The following MAPK10 variants were observed in gnomAD, a reference collection of about 807,000 sequenced individuals.
MAPK10 encodes mitogen-activated protein kinase 10.
MAPK10 carries 25 observed loss-of-function variants against 59.3 expected under a neutral mutation model. The observed-to-expected ratio is 0.42, with a 90% CI of 0.31 to 0.59. The LOEUF (loss-of-function observed/expected upper bound fraction) is 0.59, where lower values mean the gene tolerates loss of function less well. MAPK10 is among the 20% of genes least tolerant of loss of function. The probability of loss-of-function intolerance (pLI) is 0.15; values close to 1 mark genes in which losing one functional copy is unlikely to be tolerated. For missense variants in MAPK10, 351 were observed against 568.9 expected, an observed-to-expected ratio of 0.62 and a Z score of 3.90; for synonymous variants, 190 against 200.5, an observed-to-expected ratio of 0.95 and a Z score of 0.44.
chr4:86,535,866 C>A (rs183607340), intron 1 of MAPK10, among the ~76,000 whole-genome samples: 59 of 152,236 alleles, frequency 3.9e-4, no homozygotes, highest in Non-Finnish European at 7.5e-4. Context: ...GTACAAGACA[C>A]GTCAAAACAT....
At chr4:86,329,383 CT>C (rs1162466040) in intron 2 of MAPK10, among the ~76,000 whole-genome samples, 1 of 152,082 alleles carries the variant, frequency 6.6e-6, no homozygotes, top group African/African-American at 2.4e-5. Flanking sequence ...TGGTTCTACC[CT>C]TTTTTATATT....
intron 1 of MAPK10, among the ~76,000 whole-genome samples, chr4:86,541,296 T>C (rs1758676623): frequency 6.6e-6 from 1 of 152,184 alleles, no homozygotes; most frequent in Admixed American, 6.5e-5. Context: ...ACCAAACTCC[T>C]GGGAGTAATT....
intron 9 of MAPK10, among the ~76,000 whole-genome samples, chr4:86,070,661 A>C (rs1479563223): frequency 6.7e-6 from 1 of 149,996 alleles, no homozygotes; most frequent in African/African-American, 2.5e-5. Context: ...TTGTTCTTGC[A>C]ATAGTTTACT....
intron 1 of MAPK10, among the ~76,000 whole-genome samples, chr4:86,502,333 T>C (rs2149079852): frequency 6.6e-6 from 1 of 152,192 alleles, no homozygotes; most frequent in East Asian, 1.9e-4. Context: ...GCTCCTGAAG[T>C]ATCTTCATGA....
intron 3 of MAPK10, among the ~76,000 whole-genome samples, chr4:86,165,175 A>G (rs766215084): frequency 2.0e-4 from 30 of 152,244 alleles, no homozygotes; most frequent in Non-Finnish European, 3.5e-4. Flanking sequence ...CAGTTGCCTA[A>G]AGTCTTGATC....
intron 2 of MAPK10, among the ~76,000 whole-genome samples, chr4:86,313,378 G>T (rs2095710177): frequency 6.6e-6 from 1 of 151,964 alleles, no homozygotes; most frequent in Non-Finnish European, 1.5e-5. Context: ...AAAATAAAAG[G>T]TTGATATATT....
intron 2 of MAPK10, among the ~76,000 whole-genome samples, chr4:86,290,168 T>A (rs757312424): frequency 6.6e-6 from 1 of 152,096 alleles, no homozygotes; most frequent in African/African-American, 2.4e-5. Context: ...ATGGCTGAGC[T>A]CTAGAATTCT....
At chr4:86,438,890 G>A (rs540543950) in intron 1 of MAPK10, among the ~76,000 whole-genome samples, 1 of 152,120 alleles carries the variant, frequency 6.6e-6, no homozygotes, top group Admixed American at 6.5e-5. Context: ...GGGGAGCCCC[G>A]TGACTCCCAG....
chr4:86,091,111 A>G (rs1198729144), intron 9 of MAPK10: 1 of 152,006 alleles, frequency 6.6e-6, no homozygotes, highest in Non-Finnish European at 1.5e-5. Flanking sequence ...TATGTCTGAT[A>G]AAGATCCTTG....
At chr4:86,129,030 G>T (rs910726918) in intron 4 of MAPK10, among the ~76,000 whole-genome samples, 2 of 151,900 alleles carry the variant, frequency 1.3e-5, no homozygotes, top group African/African-American at 4.8e-5. Flanking sequence ...TTATTCACTT[G>T]GTCAACAAAG....
At chr4:86,587,684 T>C (rs1565083317) in intron 1 of MAPK10, among the ~76,000 whole-genome samples, 1 of 152,208 alleles carries the variant, frequency 6.6e-6, no homozygotes, top group Admixed American at 6.5e-5. Flanking sequence ...ATATTTCACA[T>C]TGAGATGAAC....
upstream of MAPK10, among the ~76,000 whole-genome samples, chr4:86,362,686 GA>G (rs1334964828): frequency 5.9e-5 from 9 of 152,040 alleles, no homozygotes; most frequent in Non-Finnish European, 1.0e-4. Flanking sequence ...ATAAGCATAT[GA>G]AAAAGTATTA....
At chr4:86,358,992 C>T (rs1211216112) in intron 1 of MAPK10, 1 of 152,030 alleles carries the variant, frequency 6.6e-6, no homozygotes, top group African/African-American at 2.4e-5. Context: ...TCTAACCTGA[C>T]CCCTGTTCTG....
intron 2 of MAPK10, among the ~76,000 whole-genome samples, chr4:86,292,147 G>C (rs2095245745): frequency 6.6e-6 from 1 of 152,164 alleles, no homozygotes; most frequent in Admixed American, 6.6e-5. Flanking sequence ...AATTATTAGA[G>C]TAAGAATACT....
intron 1 of MAPK10, among the ~76,000 whole-genome samples, chr4:86,472,368 G>A (rs1441309553): frequency 2.0e-5 from 3 of 152,058 alleles, no homozygotes; most frequent in Non-Finnish European, 2.9e-5. Context: ...GAACATCTAA[G>A]AAAAGTAGTT....
chr4:86,263,147 T>C (rs2094081189), intron 2 of MAPK10, among the ~76,000 whole-genome samples: 1 of 152,184 alleles, frequency 6.6e-6, no homozygotes, highest in South Asian at 2.1e-4. Flanking sequence ...TGAGTGGTGG[T>C]AACAGCTTCT....
chr4:86,586,622 C>T (rs749507788), intron 1 of MAPK10, among the ~76,000 whole-genome samples: 4 of 152,138 alleles, frequency 2.6e-5, no homozygotes, highest in Non-Finnish European at 4.4e-5. Flanking sequence ...CAGTTTAACT[C>T]ATTAATAACT....
intron 2 of MAPK10, among the ~76,000 whole-genome samples, chr4:86,292,012 T>C (rs1310640914): frequency 1.3e-5 from 2 of 152,334 alleles, no homozygotes; most frequent in Non-Finnish European, 2.9e-5. Context: ...GCCAGTTTTA[T>C]TTCACTAATT....
chr4:86,373,004 A>G (rs140013316), intron 1 of MAPK10, among the ~76,000 whole-genome samples: 1,528 of 152,330 alleles, frequency 0.01, 19 homozygotes, highest in African/African-American at 0.035. Flanking sequence ...CCTGACTTCA[A>G]ACTATACTAC....
Sources: allele counts gnomAD v4.1 joint callset (sites outside exome capture counted in the v4.1 genomes callset), GRCh38; gene constraint gnomAD v4.1.1; transcripts MANE v1.5; gene names NCBI Gene and HGNC (gene_info 2026-07-23, HGNC 2026-07-21).